Variants in WWOX observed in about 807,000 individuals in gnomAD.
WWOX encodes WW domain containing oxidoreductase, also known as WW domain-containing oxidoreductase.
In WWOX, 69 loss-of-function variants were observed where a neutral mutation model predicts 46.2. The ratio of observed to expected loss-of-function variants is 1.49; its 90% confidence interval spans 1.23 to 1.82. The LOEUF (loss-of-function observed/expected upper bound fraction) is 1.82, where lower values mean the gene tolerates loss of function less well. WWOX is among the 40% of genes most tolerant of loss of function. The probability of loss-of-function intolerance (pLI) is 0.00; values close to 1 mark genes in which losing one functional copy is unlikely to be tolerated. For synonymous variants in WWOX, 359 were observed against 202.6 expected, an observed-to-expected ratio of 1.77 and a Z score of -6.56; for missense variants, 919 against 542.6, an observed-to-expected ratio of 1.69 and a Z score of -6.89.
chr16:78,882,063 T>C (rs1597100965), intron 8 of WWOX, among the ~76,000 whole-genome samples: 2 of 149,262 alleles, frequency 1.3e-5, no homozygotes, highest in African/African-American at 2.5e-5. Context: ...GAGACGGAGG[T>C]TGCAGCGAGC....
At chr16:78,996,141 CTTTT>C in intron 8 of WWOX, 1 of 923,644 alleles carries the variant, frequency 1.1e-6, no homozygotes, top group African/African-American at 1.9e-5. Flanking sequence ...GTAGAATGTT[CTTTT>C]TTTTAATTTT....
intron 8 of WWOX, among the ~76,000 whole-genome samples, chr16:78,516,939 C>A (rs1314944735): frequency 6.6e-6 from 1 of 152,066 alleles, no homozygotes; most frequent in Admixed American, 6.5e-5. Flanking sequence ...ATGTCTGTAC[C>A]TTTTTGGAGA....
chr16:78,404,742 T>TA (rs2082487774), intron 6 of WWOX, among the ~76,000 whole-genome samples: 1 of 152,198 alleles, frequency 6.6e-6, no homozygotes, highest in Admixed American at 6.5e-5. Context: ...TGGTTGAAGT[T>TA]ACTTTTTCTT....
chr16:78,720,770 A>G (rs765018153), intron 8 of WWOX, among the ~76,000 whole-genome samples: 1 of 152,122 alleles, frequency 6.6e-6, no homozygotes, highest in Non-Finnish European at 1.5e-5. Context: ...GGTTATTCTC[A>G]AACTCTATTA....
chr16:78,408,465 A>T (rs772525098), intron 6 of WWOX, among the ~76,000 whole-genome samples: 1 of 152,128 alleles, frequency 6.6e-6, no homozygotes, highest in East Asian at 1.9e-4. Context: ...TAGTTAATAA[A>T]TTCGGCTCCA....
At chr16:78,564,483 C>A (rs748729356) in intron 8 of WWOX, among the ~76,000 whole-genome samples, 1 of 152,102 alleles carries the variant, frequency 6.6e-6, no homozygotes, top group Non-Finnish European at 1.5e-5. Flanking sequence ...ATCTAGTCTC[C>A]CTCACAAGGA....
At chr16:78,151,876 C>T (rs2034420590) in intron 4 of WWOX, among the ~76,000 whole-genome samples, 1 of 152,168 alleles carries the variant, frequency 6.6e-6, no homozygotes, top group Non-Finnish European at 1.5e-5. Flanking sequence ...CTGTTCGGTA[C>T]TTTGACTTTT....
chr16:79,151,626 C>T (rs1461601496), intron 8 of WWOX, among the ~76,000 whole-genome samples: 6 of 152,228 alleles, frequency 3.9e-5, no homozygotes, highest in East Asian at 3.9e-4. Flanking sequence ...AGTGAAATAA[C>T]GCAGAATGCA....
chr16:78,698,500 C>A (rs921075948), intron 8 of WWOX, among the ~76,000 whole-genome samples: 3 of 152,206 alleles, frequency 2.0e-5, no homozygotes, highest in African/African-American at 7.2e-5. Context: ...ACAAACCTGA[C>A]AAATTTTAGC....
chr16:78,618,455 C>G (rs998399812), intron 8 of WWOX, among the ~76,000 whole-genome samples: 1 of 152,156 alleles, frequency 6.6e-6, no homozygotes, highest in African/African-American at 2.4e-5. Context: ...GGTCTTCCCT[C>G]TGTGTGCGTT....
intron 8 of WWOX, among the ~76,000 whole-genome samples, chr16:79,192,177 C>G (rs1257878998): frequency 6.6e-6 from 1 of 152,178 alleles, no homozygotes; most frequent in Non-Finnish European, 1.5e-5. Flanking sequence ...CTCCTGCCAG[C>G]TCTAATAGGG....
chr16:78,937,177 A>G (rs376177546), intron 8 of WWOX, among the ~76,000 whole-genome samples: 7 of 152,310 alleles, frequency 4.6e-5, no homozygotes, highest in East Asian at 3.9e-4. Context: ...AGGAACATAC[A>G]TATGGATTTT....
chr16:79,009,368 G>T (rs2047257414), intron 8 of WWOX, among the ~76,000 whole-genome samples: 1 of 152,300 alleles, frequency 6.6e-6, no homozygotes. Context: ...AAATGCTTAT[G>T]GAGCTCTAAC....
intron 8 of WWOX, among the ~76,000 whole-genome samples, chr16:78,944,046 A>C (rs2045902840): frequency 6.6e-6 from 1 of 152,170 alleles, no homozygotes; most frequent in Non-Finnish European, 1.5e-5. Context: ...CAAAAACACA[A>C]AATCAAGGAC....
At chr16:78,537,537 T>G (rs2043788561) in intron 8 of WWOX, among the ~76,000 whole-genome samples, 1 of 152,208 alleles carries the variant, frequency 6.6e-6, no homozygotes, top group South Asian at 2.1e-4. Flanking sequence ...TTGTGTCTTA[T>G]AATCCGATTG....
chr16:79,038,857 A>G (rs1415829100), intron 8 of WWOX, among the ~76,000 whole-genome samples: 1 of 152,200 alleles, frequency 6.6e-6, no homozygotes, highest in Non-Finnish European at 1.5e-5. Flanking sequence ...GCCTAGAAAT[A>G]ACTTTTAAAT....
intron 8 of WWOX, among the ~76,000 whole-genome samples, chr16:78,793,431 A>G (rs1042704063): frequency 2.0e-5 from 3 of 152,186 alleles, no homozygotes; most frequent in Non-Finnish European, 2.9e-5. Flanking sequence ...CCACTCAAGA[A>G]TACAAATTGA....
At chr16:78,830,395 T>C (rs1186132886) in intron 8 of WWOX, among the ~76,000 whole-genome samples, 1 of 151,610 alleles carries the variant, frequency 6.6e-6, no homozygotes, top group Admixed American at 6.6e-5. Context: ...TGGCTGGGGG[T>C]TTTTCTCACT....
In WWOX at chr16:78,164,059, G is replaced by T. The variant is rs144308904; in HGVS notation, c.410-124G>T. On this transcript the variant is annotated intron_variant, in intron 4 of 8. Transcript: ENST00000566780. ...CCAGACATTTGCTTCTGTCCCCTGG[G>T]GATCAAAATCACCCCTGGTTGAGAA... The T allele has an allele frequency of 6.8e-6, 6 of 881,922 alleles. No individual in the cohort carries two copies. The East Asian group carries it at 1.3e-4, about 19-fold the overall frequency. 54.6% of individuals were successfully genotyped at this position (881,922 alleles called of 1,614,324 possible).
Sources: gnomAD v4.1 joint callset for allele counts (sites outside exome capture counted in the v4.1 genomes callset) on GRCh38, gnomAD v4.1.1 for gene constraint, MANE v1.5 for transcripts, NCBI Gene and HGNC (gene_info 2026-07-23, HGNC 2026-07-21) for gene names.